The following SPATA17 variants were observed in gnomAD, a reference collection of about 807,000 sequenced individuals.
The protein encoded by SPATA17 is spermatogenesis-associated protein 17.
Under a neutral mutation model 62.2 loss-of-function variants are expected in SPATA17, and 53 were observed. The observed-to-expected ratio is 0.85, with a 90% CI of 0.68 to 1.07. The LOEUF (loss-of-function observed/expected upper bound fraction) is 1.07, where lower values mean the gene tolerates loss of function less well. Among genes scored for constraint, SPATA17 ranks in the 50% least tolerant of loss-of-function variants. The pLI is 0.00. For missense variants in SPATA17, 466 were observed against 425.5 expected (o/e 1.10, Z -0.84); for synonymous variants, 146 against 146.8 (o/e 0.99, Z 0.04).
intron 9 of SPATA17, among the ~76,000 whole-genome samples, chr1:217,847,881 A>T (rs895550544): frequency 9.9e-5 from 15 of 152,042 alleles, no homozygotes; most frequent in Non-Finnish European, 1.8e-4. Flanking sequence ...AAAATAAAAA[A>T]ATTAGTTGGG....
chr1:217,812,534 T>A (rs573133375), intron 9 of SPATA17, among the ~76,000 whole-genome samples: 20 of 152,246 alleles, frequency 1.3e-4, no homozygotes, highest in Admixed American at 1.3e-4. Context: ...ACTGCGCAAG[T>A]TAAGTTGTTA....
intron 1 of SPATA17, among the ~76,000 whole-genome samples, chr1:217,638,587 G>A (rs1457968472): frequency 1.3e-5 from 2 of 152,226 alleles, no homozygotes; most frequent in African/African-American, 2.4e-5. Flanking sequence ...CCCTGTATAT[G>A]TATCAAACAA....
intron 1 of SPATA17, among the ~76,000 whole-genome samples, chr1:217,633,963 G>A (rs1469985860): frequency 6.6e-6 from 1 of 152,228 alleles, no homozygotes; most frequent in African/African-American, 2.4e-5. Context: ...ACTCCAAGAA[G>A]TGAGCAGCAA....
intron 4 of SPATA17, among the ~76,000 whole-genome samples, chr1:217,673,465 C>T (rs544564515): frequency 6.6e-5 from 10 of 152,282 alleles, no homozygotes; most frequent in Admixed American, 4.6e-4. Context: ...TGACTTTACT[C>T]CAGATTAGAG....
At chr1:217,828,280 T>C (rs1675048212) in intron 9 of SPATA17, among the ~76,000 whole-genome samples, 1 of 151,798 alleles carries the variant, frequency 6.6e-6, no homozygotes, top group Admixed American at 6.6e-5. Context: ...TTGAAACATA[T>C]GTGGTCAACT....
intron 6 of SPATA17, among the ~76,000 whole-genome samples, chr1:217,764,839 T>C (rs1036822160): frequency 1.3e-5 from 2 of 152,146 alleles, no homozygotes; most frequent in African/African-American, 4.8e-5. Flanking sequence ...TTGCCATCTG[T>C]GTATCTTCTT....
At chr1:217,820,028 G>A (rs1674820691) in intron 9 of SPATA17, among the ~76,000 whole-genome samples, 2 of 152,010 alleles carry the variant, frequency 1.3e-5, no homozygotes, top group African/African-American at 2.4e-5. Context: ...AGAACCCTAA[G>A]GATCAGTAAG....
intron 9 of SPATA17, among the ~76,000 whole-genome samples, chr1:217,824,732 T>C (rs1486738093): frequency 6.6e-6 from 1 of 150,756 alleles, no homozygotes; most frequent in African/African-American, 2.4e-5. Context: ...GCTTAATTCA[T>C]TAAAATTAAG....
At chr1:217,825,206 G>C (rs1028471905) in intron 9 of SPATA17, among the ~76,000 whole-genome samples, 1 of 151,512 alleles carries the variant, frequency 6.6e-6, no homozygotes, top group Non-Finnish European at 1.5e-5. Context: ...GATAGTGGCT[G>C]TCTCTAATTA....
intron 8 of SPATA17, 67 bp from the exon 9 acceptor site, chr1:217,801,651 G>C: frequency 7.3e-7 from 1 of 1,361,488 alleles, no homozygotes; most frequent in Non-Finnish European, 1.0e-6. Context: ...CTTCTACAAA[G>C]CCTTATTTTA....
intron 6 of SPATA17, among the ~76,000 whole-genome samples, chr1:217,767,811 A>T (rs1673336176): frequency 1.3e-5 from 2 of 152,146 alleles, no homozygotes; most frequent in African/African-American, 4.8e-5. Context: ...TGGCCTGATA[A>T]TTACAACATT....
At chr1:217,678,648 G>GT (rs987498765) in intron 4 of SPATA17, among the ~76,000 whole-genome samples, 11 of 152,098 alleles carry the variant, frequency 7.2e-5, no homozygotes, top group African/African-American at 2.7e-4. Flanking sequence ...ATATATCAAG[G>GT]TTTTGCCATT....
In SPATA17 at chr1:217,823,513, G is replaced by T. The variant is rs142584800; in HGVS notation, c.1005+21663G>T. ...TTATACCCAGACTCAGGACTCTGTG[G>T]ACAAGGAAATGCCATGGGAAAAATG... On this transcript the variant is annotated intron_variant, in intron 9 of 10. Coordinates refer to ENST00000366933, the MANE Select transcript of SPATA17 (RefSeq NM_138796.4). 7.1e-3 allele frequency among the ~76,000 whole-genome samples: 1,079 copies of T among 151,936 alleles called. 15 individuals are homozygous for T. The highest frequency in any genetic ancestry group is 0.025 in the African/African-American group (1,023 of 41,486).
At chr1:217,723,961 G>A (rs1672199349) in intron 5 of SPATA17, among the ~76,000 whole-genome samples, 1 of 152,168 alleles carries the variant, frequency 6.6e-6, no homozygotes, top group South Asian at 2.1e-4. Context: ...AAGGGACATG[G>A]GCGGAGCTAA....
At chr1:217,801,549 A>C (rs1251016789) in intron 8 of SPATA17, among the ~76,000 whole-genome samples, 169 bp from the exon 9 acceptor site, 1 of 152,200 alleles carries the variant, frequency 6.6e-6, no homozygotes, top group Admixed American at 6.5e-5. Context: ...GATTAATAGA[A>C]GTAATTAACA....
intron 5 of SPATA17, among the ~76,000 whole-genome samples, chr1:217,708,954 CAA>C (rs371624557): frequency 7.0e-6 from 1 of 143,348 alleles, no homozygotes. Context: ...TCAGCATATG[CAA>C]AAAAAAAAGG....
At chr1:217,696,187 G>C (rs1391528941) in intron 5 of SPATA17, among the ~76,000 whole-genome samples, 1 of 152,194 alleles carries the variant, frequency 6.6e-6, no homozygotes, top group Non-Finnish European at 1.5e-5. Context: ...GTGGGATATA[G>C]TCTCGTGGTG....
intron 4 of SPATA17, among the ~76,000 whole-genome samples, chr1:217,682,596 A>G (rs1259355840): frequency 6.6e-6 from 1 of 152,134 alleles, no homozygotes; most frequent in African/African-American, 2.4e-5. Context: ...ATAGCTGTAT[A>G]ATTATAGGAA....
chr1:217,809,560 C>A (rs930126897), intron 9 of SPATA17, among the ~76,000 whole-genome samples: 1 of 147,380 alleles, frequency 6.8e-6, no homozygotes, highest in African/African-American at 2.5e-5. Context: ...GAGGTAAAAC[C>A]CAAGAGGCGC....
Sources: allele counts gnomAD v4.1 joint callset (sites outside exome capture counted in the v4.1 genomes callset), GRCh38; gene constraint gnomAD v4.1.1; transcripts MANE v1.5; gene names NCBI Gene and HGNC (gene_info 2026-07-23, HGNC 2026-07-21).